EPHB2: variants seen among roughly 807,000 people sequenced by gnomAD.
EPHB2 encodes the protein ephrin type-B receptor 2.
EPHB2 carries 18 observed loss-of-function variants against 96.4 expected under a neutral mutation model. The ratio of observed to expected loss-of-function variants is 0.19; its 90% CI spans 0.13 to 0.28. The LOEUF is 0.28. Ranked by LOEUF, EPHB2 falls within the 10% of genes least tolerant of loss-of-function variation. EPHB2 has a pLI of 1.00. For synonymous variants in EPHB2, 506 were observed against 534.1 expected, an observed-to-expected ratio of 0.95 and a Z score of 0.72; for missense variants, 989 against 1,355.4, an observed-to-expected ratio of 0.73 and a Z score of 4.25.
At chr1:22,816,709 G>T (rs1369896010) in intron 3 of EPHB2, among the ~76,000 whole-genome samples, 2 of 152,206 alleles carry the variant, frequency 1.3e-5, no homozygotes, top group African/African-American at 4.8e-5. Context: ...CACAGCAACT[G>T]TAGGATATAG....
At chr1:22,749,763 A>C (rs1644034436) in intron 1 of EPHB2, among the ~76,000 whole-genome samples, 1 of 151,872 alleles carries the variant, frequency 6.6e-6, no homozygotes. Flanking sequence ...ACTCAGCTGG[A>C]CCTCCATTGG....
At chr1:22,776,561 G>T (rs1330826513) in intron 1 of EPHB2, among the ~76,000 whole-genome samples, 1 of 152,252 alleles carries the variant, frequency 6.6e-6, no homozygotes, top group African/African-American at 2.4e-5. Context: ...AGCTCCCAAA[G>T]TATGGGAAGT....
chr1:22,802,662 C>T (rs550703410), intron 3 of EPHB2, among the ~76,000 whole-genome samples: 114 of 152,222 alleles, frequency 7.5e-4, no homozygotes, highest in Non-Finnish European at 1.9e-4. Flanking sequence ...ACCACCCAGC[C>T]CCACCCCCAA....
At chr1:22,713,048 C>T (rs1643196621) in intron 1 of EPHB2, among the ~76,000 whole-genome samples, 1 of 152,072 alleles carries the variant, frequency 6.6e-6, no homozygotes. Flanking sequence ...CCAGCCTGGA[C>T]CCTGGCCCTG....
chr1:22,758,066 C>T (rs1335718139), intron 1 of EPHB2, among the ~76,000 whole-genome samples: 23 of 139,232 alleles, frequency 1.7e-4, no homozygotes, highest in South Asian at 2.4e-4. Flanking sequence ...CTACAGGCGC[C>T]CGCTACCACA....
rs962632402 is a variant in EPHB2, at chr1:22,733,880, G to T, written c.61+22837G>T. ...GAACCCGGGACTGGATTCTTGACCT[G>T]GTATGATTTGGTGGGGACGGAGCTA... On this transcript the variant is annotated intron_variant, in intron 1 of 15. Coordinates refer to ENST00000374630, the MANE Select transcript of EPHB2 (RefSeq NM_017449.5). The surrounding 1 kb of genome is among the most constrained non-coding windows in gnomAD (Gnocchi z 4.6). Among the ~76,000 whole-genome samples the T allele has an allele frequency of 1.3e-5, 2 of 152,100 alleles. No homozygotes were observed. The highest frequency in any genetic ancestry group is 4.8e-5 in the African/African-American group (2 of 41,410).
At chr1:22,845,627 A>G (rs551672907) in intron 3 of EPHB2, among the ~76,000 whole-genome samples, 23 of 152,284 alleles carry the variant, frequency 1.5e-4, no homozygotes, top group African/African-American at 5.3e-4. Context: ...AGGACTCCTC[A>G]TTTTTATAAG....
chr1:22,710,924 C>G lies in EPHB2; in HGVS notation c.-59C>G, dbSNP rs1440192889. On this transcript the variant is annotated 5_prime_UTR_variant, in exon 1 of 16. Transcript: ENST00000374630. The stretch of plus-strand genomic sequence containing the variant: ...GCCCCCCGAGCCCGGGGCGCGCGCT[C>G]CCGCCCGGGCCGTCCGGGCCCCGCG... 2 of 146,062 alleles carry G rather than the reference C, an allele frequency of 1.4e-5. No homozygotes were observed. Among genetic ancestry groups the G allele is most frequent in the African/African-American group, 2.5e-5 (1 of 40,532 alleles). 9.0% of individuals were successfully genotyped at this position (146,062 alleles called of 1,614,324 possible).
At chr1:22,874,484 A>G (rs967075550) in intron 5 of EPHB2, among the ~76,000 whole-genome samples, 1 of 152,198 alleles carries the variant, frequency 6.6e-6, no homozygotes, top group Non-Finnish European at 1.5e-5. Flanking sequence ...CAGCCCACTC[A>G]TAGGCTACTT....
chr1:22,729,126 T>G (rs1643648931), intron 1 of EPHB2, among the ~76,000 whole-genome samples: 1 of 152,232 alleles, frequency 6.6e-6, no homozygotes, highest in African/African-American at 2.4e-5. Context: ...CCTGAACTTC[T>G]GGGCAGGTTG....
intron 6 of EPHB2, among the ~76,000 whole-genome samples, chr1:22,886,966 G>A (rs915616333): frequency 2.6e-5 from 4 of 152,132 alleles, no homozygotes; most frequent in Admixed American, 6.5e-5. Flanking sequence ...CCCAGGAAAT[G>A]TGAAGGGTGA....
At position 22,907,936 on chromosome 1, in the gene EPHB2, C is replaced by T. The variant is rs781582583; in HGVS notation, c.2137-17C>T. On this transcript the variant is annotated splice_polypyrimidine_tract_variant and intron_variant, in intron 11 of 15. Coordinates refer to ENST00000374630, the MANE Select transcript of EPHB2 (RefSeq NM_017449.5). Reference sequence around the variant, plus strand: ...TGCTCTTCTGTTTACTCTGTGTTTTCCCCACTTCTCCCAAAGCAAAACGAT... The same window carrying T: ...TGCTCTTCTGTTTACTCTGTGTTTTTCCCACTTCTCCCAAAGCAAAACGAT... The T allele has an allele frequency of 6.2e-7, 1 of 1,613,950 alleles. No homozygotes were observed. Among genetic ancestry groups the T allele is most frequent in the South Asian group, 1.1e-5 (1 of 91,074 alleles).
rs79393189 is a variant in EPHB2, at chr1:22,875,879, A to G, written c.1304-6480A>G. ...AGTTGACATTTGAGCTGAGACTTCA[A>G]TGAAGAGGAGGATTTGGCCATGGAA... On this transcript the variant is annotated intron_variant, in intron 5 of 15. Transcript: ENST00000374630. This position sits in a 1 kb window ranked among gnomAD's most constrained non-coding sequence, Gnocchi z 4.2. Among the ~76,000 whole-genome samples, 489 of 152,224 alleles carry G rather than the reference A, an allele frequency of 3.2e-3. 4 individuals are homozygous for G. The highest frequency in any genetic ancestry group is 0.011 in the African/African-American group (474 of 41,542).
chr1:22,824,773 T>C (rs1645200340), intron 3 of EPHB2, among the ~76,000 whole-genome samples: 1 of 152,256 alleles, frequency 6.6e-6, no homozygotes, highest in Non-Finnish European at 1.5e-5. Flanking sequence ...TTTAATTAAC[T>C]GTCCCTGTCG....
Position 22,860,080 on chromosome 1 carries a change from G to A in EPHB2, c.812-2957G>A, listed in dbSNP as rs1244208046. ...GATGTGTCCAGGGTTCACCTGTACC[G>A]TAGCATGTGTCAATGCTTCGTTCCT... is the stretch of plus-strand genomic sequence containing the variant. On this transcript the variant is annotated intron_variant, in intron 3 of 15. Coordinates refer to ENST00000374630, the MANE Select transcript of EPHB2 (RefSeq NM_017449.5). This position sits in a 1 kb window ranked among gnomAD's most constrained non-coding sequence, Gnocchi z 4.6. Among the ~76,000 whole-genome samples the A allele has an allele frequency of 2.0e-5, 3 of 152,162 alleles. No homozygotes were observed. Among genetic ancestry groups the A allele is most frequent in the African/African-American group, 7.2e-5 (3 of 41,430 alleles).
At chr1:22,756,681 C>T (rs564817090) in intron 1 of EPHB2, among the ~76,000 whole-genome samples, 3 of 152,212 alleles carry the variant, frequency 2.0e-5, no homozygotes, top group African/African-American at 4.8e-5. Flanking sequence ...ATTTCCACCC[C>T]GAACTAACCC....
rs555127134 is a variant in EPHB2 at position 22,730,428 on chromosome 1, G to A, written c.61+19385G>A. Among the ~76,000 whole-genome samples, 3 of 152,338 alleles carry A rather than the reference G, an allele frequency of 2.0e-5. No homozygotes were observed. In the South Asian group the frequency reaches 6.2e-4, roughly 32 times the overall value. On this transcript the variant is annotated intron_variant, in intron 1 of 15. Transcript: ENST00000374630. Reference sequence around the variant, plus strand: ...TGTGGCTGTGGACAAGTTGCAGGGGGCAGCATGGATTGTCCTGCCCTATGG... The same window carrying A: ...TGTGGCTGTGGACAAGTTGCAGGGGACAGCATGGATTGTCCTGCCCTATGG...
intron 3 of EPHB2, among the ~76,000 whole-genome samples, chr1:22,810,980 G>A (rs1488319257): frequency 6.6e-6 from 1 of 152,168 alleles, no homozygotes; most frequent in East Asian, 1.9e-4. Flanking sequence ...CCTGCCCCTT[G>A]GAGTGAGGTG....
intron 5 of EPHB2, among the ~76,000 whole-genome samples, chr1:22,872,873 CAA>C (rs1638717820): frequency 6.6e-6 from 1 of 152,186 alleles, no homozygotes; most frequent in African/African-American, 2.4e-5. Flanking sequence ...AGAAATGGGC[CAA>C]GAGAGCCCCC....
Sources: gnomAD v4.1 joint callset for allele counts (sites outside exome capture counted in the v4.1 genomes callset) on GRCh38, gnomAD v4.1.1 for gene constraint, Gnocchi (gnomAD v3.1) non-coding constraint, MANE v1.5 for transcripts, NCBI Gene and HGNC (gene_info 2026-07-23, HGNC 2026-07-21) for gene names.